TJP3: variants seen among roughly 807,000 people sequenced by gnomAD.
The protein encoded by TJP3 is tight junction protein ZO-3.
A neutral mutation model predicts 104.2 loss-of-function variants in TJP3; 85 were observed. The observed-to-expected ratio is 0.82, with a 90% CI of 0.68 to 0.98. The LOEUF (loss-of-function observed/expected upper bound fraction) is 0.98. Among genes scored for constraint, TJP3 ranks in the 50% least tolerant of loss-of-function variants. The pLI is 0.00. For missense variants in TJP3, 1,367 were observed against 1,322.8 expected (o/e 1.03, Z -0.52); for synonymous variants, 550 against 550.6 (o/e 1.00, Z 0.02).
intron 14 of TJP3, among the ~76,000 whole-genome samples, chr19:3,742,402 TA>T (rs1169900079): frequency 6.6e-6 from 1 of 151,488 alleles, no homozygotes; most frequent in African/African-American, 2.4e-5. Flanking sequence ...TGCTGCACTC[TA>T]GCCTGGGCAA....
rs569846387 is a variant in TJP3, at chr19:3,740,631, C to T, written c.1711C>T (p.Arg571Trp). The T allele has an allele frequency of 1.9e-5, 30 of 1,592,962 alleles. No individual in the cohort carries two copies. In the Admixed American group the frequency reaches 2.1e-4, roughly 11 times the overall value. The change falls in exon 14 of 21, where the codon CGG (arginine) becomes TGG (tryptophan). Residue 571 changes from arginine to tryptophan, a missense_variant. Transcript: ENST00000541714. ...CGGCTCCTCCGCGGGCTCCAATGCT[C>T]GGGCCGAGTTCTGGCGGCTGCGGGG... is the stretch of plus-strand genomic sequence containing the variant. ...GPGSSAGSNA[R>W]AEFWRLRGLR...
At chr19:3,724,698 G>T (rs1029300429) in intron 1 of TJP3, among the ~76,000 whole-genome samples, 1 of 152,020 alleles carries the variant, frequency 6.6e-6, no homozygotes, top group Non-Finnish European at 1.5e-5. Flanking sequence ...CACCATGCCC[G>T]GCTAATTTTT....
In TJP3 at chr19:3,746,212, A is replaced by G; in HGVS notation, c.2010+131A>G. 1.1e-6 allele frequency: 1 copy of G among 944,714 alleles called. No homozygotes were observed. 58.5% of individuals were successfully genotyped at this position (944,714 alleles called of 1,614,324 possible). A position where few individuals can be genotyped will look rare whatever the true frequency, so the allele number is the denominator to read the frequency against. ...CAGTCTTCCATAGAGCCCCTTTTGG[A>G]GGCTTTGTGAGGCAGGAGGCCCGAG... On this transcript the variant is annotated intron_variant, in intron 16 of 20. Coordinates refer to ENST00000541714, the MANE Select transcript of TJP3 (RefSeq NM_001267560.2). This position sits in a 1 kb window ranked among gnomAD's most constrained non-coding sequence, Gnocchi z 4.1.
At position 3,723,814 on chromosome 19, in the gene TJP3, T is replaced by A. The variant is rs200693055; in HGVS notation, c.-9-4610T>A. Among the ~76,000 whole-genome samples, 257 of 120,900 alleles carry A rather than the reference T, an allele frequency of 2.1e-3. 2 individuals carry two copies. The highest frequency in any genetic ancestry group is 6.3e-3 in the East Asian group (27 of 4,272). The allele number at this position is 120,900 out of a possible 152,430, so 79.3% of individuals were successfully genotyped here. The stretch of plus-strand genomic sequence containing the variant: ...TCTCAAAAGAAAAAAAAAAAATATA[T>A]ATATATATATATATAAAATAATAAA... On this transcript the variant is annotated intron_variant, in intron 1 of 20. Coordinates refer to ENST00000541714, the MANE Select transcript of TJP3 (RefSeq NM_001267560.2).
chr19:3,735,730 A>G (rs2036729801), intron 9 of TJP3, 91 bp downstream of exon 9: 2 of 1,592,464 alleles, frequency 1.3e-6, no homozygotes, highest in East Asian at 4.5e-5. Flanking sequence ...GGTTGGCCTG[A>G]GCCTAAGTGG....
At chr19:3,714,302 C>G (rs1266749582) in intron 1 of TJP3, among the ~76,000 whole-genome samples, 1 of 151,884 alleles carries the variant, frequency 6.6e-6, no homozygotes, top group Non-Finnish European at 1.5e-5. Context: ...GCCTCAGCCC[C>G]CTGAGTAGCT....
At chr19:3,748,270 T>A (rs2036934453) in intron 19 of TJP3, among the ~76,000 whole-genome samples, 189 bp downstream of exon 19, 1 of 141,880 alleles carries the variant, frequency 7.0e-6, no homozygotes, top group Non-Finnish European at 1.6e-5. Context: ...TTGCAGCATT[T>A]TTTTTTTTTT....
intron 3 of TJP3, among the ~76,000 whole-genome samples, chr19:3,729,135 A>G (rs183530996): frequency 1.3e-5 from 2 of 152,292 alleles, no homozygotes; most frequent in Non-Finnish European, 2.9e-5. Flanking sequence ...CGGACTTGGC[A>G]GTAGGACAGT....
chr19:3,711,584 C>A (rs1312171685), intron 1 of TJP3, among the ~76,000 whole-genome samples: 2 of 148,926 alleles, frequency 1.3e-5, no homozygotes, highest in Non-Finnish European at 3.0e-5. Context: ...ATAGTAAAAT[C>A]ATTACTCTCA....
chr19:3,726,084 T>C (rs2036593187), intron 1 of TJP3, among the ~76,000 whole-genome samples: 1 of 152,220 alleles, frequency 6.6e-6, no homozygotes, highest in East Asian at 1.9e-4. Context: ...GGGGGGTGCC[T>C]GGGCAGAGGG....
rs1429191598 is a variant in TJP3 at position 3,717,052 on chromosome 19, G to A, written c.-10+8491G>A. 3.5e-5 allele frequency among the ~76,000 whole-genome samples: 5 copies of A among 142,462 alleles called. 1 individual carries two copies. Among genetic ancestry groups the A allele is most frequent in the Non-Finnish European group, 7.8e-5 (5 of 64,414 alleles). 93.5% of individuals were successfully genotyped at this position (142,462 alleles called of 152,430 possible). A position where few individuals can be genotyped will look rare whatever the true frequency, so the allele number is the denominator to read the frequency against. ...CCGATTTCGGCTCACTGCAACCTCC[G>A]CCTCCCGGGCTCAAGCAATTCTCTT... On this transcript the variant is annotated intron_variant, in intron 1 of 20. Transcript: ENST00000541714.
At chr19:3,719,224 A>AT (rs547717302) in intron 1 of TJP3, among the ~76,000 whole-genome samples, 47 of 147,762 alleles carry the variant, frequency 3.2e-4, no homozygotes, top group African/African-American at 1.0e-3. Context: ...ATCTAAAATG[A>AT]TTTTTTGCGC....
In TJP3 at chr19:3,746,484, G is replaced by T; in HGVS notation, c.2011-1G>T. ...CCCCAACGTCCGCCGGCCTGGCCCA[G>T]GACAAGCATGCGCTCCTGGATGTGA... On this transcript the variant is annotated splice_acceptor_variant, in intron 16 of 20. Coordinates refer to ENST00000541714, the MANE Select transcript of TJP3 (RefSeq NM_001267560.2). LOFTEE classifies it high-confidence loss of function. This position sits in a 1 kb window ranked among gnomAD's most constrained non-coding sequence, Gnocchi z 4.1. 1 of 1,613,790 alleles carries T rather than the reference G, an allele frequency of 6.2e-7. No homozygotes were observed. The highest frequency in any genetic ancestry group is 1.1e-5 in the South Asian group (1 of 91,056).
chr19:3,718,899 A>G (rs1374289457), intron 1 of TJP3, among the ~76,000 whole-genome samples: 3 of 152,008 alleles, frequency 2.0e-5, no homozygotes, highest in South Asian at 4.2e-4. Context: ...AGATCGCTGG[A>G]CTGGCCGGGC....
chr19:3,750,634 G>C lies in TJP3; in HGVS notation c.2710G>C (p.Glu904Gln). 6.2e-7 allele frequency: 1 copy of C among 1,609,010 alleles called. No homozygotes were observed. The highest frequency in any genetic ancestry group is 8.5e-7 in the Non-Finnish European group (1 of 1,177,780). ...KKKFMRVHDA[E>Q]SSDEDGYDWG... ...AAAGTTTATGCGAGTACATGATGCG[G>C]AGTCCTCCGATGAAGACGGCTATGA... Residue 904 changes from glutamate to glutamine, a missense_variant, in exon 21 of 21, where the codon GAG becomes CAG. Transcript: ENST00000541714.
chr19:3,746,484 G>C lies in TJP3; in HGVS notation c.2011-1G>C. 2 of 1,613,790 alleles carry C rather than the reference G, an allele frequency of 1.2e-6. No homozygotes were observed. The highest frequency in any genetic ancestry group is 1.7e-6 in the Non-Finnish European group (2 of 1,179,986). On this transcript the variant is annotated splice_acceptor_variant, in intron 16 of 20. Transcript: ENST00000541714. LOFTEE classifies it high-confidence loss of function. The surrounding 1 kb of genome is among the most constrained non-coding windows in gnomAD (Gnocchi z 4.1). ...CCCCAACGTCCGCCGGCCTGGCCCAGGACAAGCATGCGCTCCTGGATGTGA... is the reference window on the plus strand; with the variant it reads ...CCCCAACGTCCGCCGGCCTGGCCCACGACAAGCATGCGCTCCTGGATGTGA...
At chr19:3,714,468 G>A (rs543827903) in intron 1 of TJP3, among the ~76,000 whole-genome samples, 3 of 150,904 alleles carry the variant, frequency 2.0e-5, no homozygotes, top group South Asian at 2.1e-4. Flanking sequence ...GTGAGCCACC[G>A]CGCCCAGCCC....
chr19:3,740,416 T>G (rs1036055153), intron 13 of TJP3, 136 bp from the exon 14 acceptor site: 13 of 429,608 alleles, frequency 3.0e-5, no homozygotes, highest in African/African-American at 2.2e-4. Context: ...ATAATAGTAA[T>G]AATAATCCCA....
At chr19:3,727,780 G>T (rs182034225) in intron 1 of TJP3, among the ~76,000 whole-genome samples, 1 of 151,918 alleles carries the variant, frequency 6.6e-6, no homozygotes, top group East Asian at 2.0e-4. Context: ...ACCTGTAGGT[G>T]CCCAGCTACT....
Sources: gnomAD v4.1 joint callset for allele counts (sites outside exome capture counted in the v4.1 genomes callset) on GRCh38, gnomAD v4.1.1 for gene constraint, Gnocchi (gnomAD v3.1) non-coding constraint, MANE v1.5 for transcripts, NCBI Gene and HGNC (gene_info 2026-07-23, HGNC 2026-07-21) for gene names.